The following ESR1 variants were observed in gnomAD, a reference collection of about 807,000 sequenced individuals.
ESR1 encodes the protein estrogen receptor 1.
In ESR1, 12 loss-of-function variants were observed where a neutral mutation model predicts 52.7. The observed-to-expected ratio is 0.23, with a 90% confidence interval of 0.15 to 0.37. The LOEUF is 0.37. ESR1 is among the 10% of genes least tolerant of loss of function. The pLI is 1.00. For missense variants in ESR1, 584 were observed against 779.7 expected, an observed-to-expected ratio of 0.75 and a Z score of 2.99; for synonymous variants, 305 against 316.8, an observed-to-expected ratio of 0.96 and a Z score of 0.39.
At chr6:151,695,237 T>C (rs1483286267) in intron 1 of ESR1, among the ~76,000 whole-genome samples, 21 of 152,202 alleles carry the variant, frequency 1.4e-4, no homozygotes, top group Admixed American at 1.3e-3. Context: ...CATTTGGATT[T>C]AGTCTCCTAT....
chr6:152,126,961 CAG>C (rs1304098726), exon 7 of ESR1: 5 of 152,204 alleles, frequency 3.3e-5, no homozygotes, highest in African/African-American at 1.2e-4. Context: ...CAGTATGTAA[CAG>C]ATTTATTTTG....
chr6:151,659,082 C>T (rs926756727), intron 1 of ESR1, among the ~76,000 whole-genome samples: 5 of 151,492 alleles, frequency 3.3e-5, no homozygotes, highest in African/African-American at 9.7e-5. Context: ...AGTGTGATCT[C>T]GGCTCACCGC....
intron 1 of ESR1, among the ~76,000 whole-genome samples, chr6:151,694,618 C>T (rs1004907271): frequency 1.8e-4 from 28 of 152,076 alleles, no homozygotes; most frequent in Non-Finnish European, 7.4e-5. Flanking sequence ...TGAAACCCGT[C>T]TCCACTAAAA....
chr6:151,720,581 A>G (rs767624952), intron 2 of ESR1, among the ~76,000 whole-genome samples: 2 of 152,222 alleles, frequency 1.3e-5, no homozygotes, highest in Admixed American at 1.3e-4. Context: ...AAAAACCTTT[A>G]TTAACTTATT....
At chr6:151,852,485 A>G (rs549789464) in intron 2 of ESR1, among the ~76,000 whole-genome samples, 2 of 152,320 alleles carry the variant, frequency 1.3e-5, no homozygotes, top group South Asian at 4.1e-4. Flanking sequence ...AAACAGGAAA[A>G]TGATAAATTA....
chr6:151,915,847 TTCTC>T (rs10549103), intron 3 of ESR1, among the ~76,000 whole-genome samples: 24,731 of 148,986 alleles, frequency 0.17, 2,504 homozygotes, highest in African/African-American at 0.28. Context: ...CTTTCTCTCT[TTCTC>T]TCTCTCTCTC....
chr6:151,862,367 G>T (rs943130372), intron 2 of ESR1, among the ~76,000 whole-genome samples: 2 of 152,168 alleles, frequency 1.3e-5, no homozygotes, highest in Non-Finnish European at 2.9e-5. Flanking sequence ...ATCCCACTAG[G>T]TTAACAGGCA....
intron 3 of ESR1, among the ~76,000 whole-genome samples, chr6:151,896,796 A>C (rs1054913509): frequency 2.0e-5 from 3 of 151,588 alleles, no homozygotes; most frequent in African/African-American, 7.3e-5. Context: ...GTGCTCTTTC[A>C]GAGTTTTTGA....
intron 6 of ESR1, among the ~76,000 whole-genome samples, chr6:152,108,343 C>T (rs1303376778): frequency 1.3e-5 from 2 of 152,186 alleles, no homozygotes; most frequent in African/African-American, 4.8e-5. Context: ...GGGAGCAGCC[C>T]CAGGCAAGAA....
chr6:151,769,338 C>A (rs902694963), intron 2 of ESR1, among the ~76,000 whole-genome samples: 2 of 152,158 alleles, frequency 1.3e-5, no homozygotes, highest in African/African-American at 4.8e-5. Context: ...TAAGGAGGAA[C>A]TATTATAGTC....
At chr6:151,658,435 C>T (rs1329720004) in intron 1 of ESR1, among the ~76,000 whole-genome samples, 1 of 152,184 alleles carries the variant, frequency 6.6e-6, no homozygotes, top group Non-Finnish European at 1.5e-5. Context: ...TTGTTAAAAT[C>T]ATTCTCATTA....
chr6:151,850,120 A>ATATTATTT (rs1786358100), intron 2 of ESR1, among the ~76,000 whole-genome samples: 1 of 142,942 alleles, frequency 7.0e-6, no homozygotes, highest in African/African-American at 2.6e-5. Flanking sequence ...AAAATTATAT[A>ATATTATTT]TATATGTCTG....
At chr6:151,733,125 T>C (rs1782381406) in intron 2 of ESR1, among the ~76,000 whole-genome samples, 1 of 152,236 alleles carries the variant, frequency 6.6e-6, no homozygotes, top group Non-Finnish European at 1.5e-5. Flanking sequence ...TTGATTCCTT[T>C]AATCTTTGCA....
upstream of ESR1, among the ~76,000 whole-genome samples, chr6:151,686,064 ATTTTT>A (rs557270210): frequency 1.7e-3 from 190 of 114,336 alleles, 1 homozygote; most frequent in African/African-American, 7.2e-3. Context: ...AATTAAAACA[ATTTTT>A]TTTTTTTTTT....
intron 6 of ESR1, among the ~76,000 whole-genome samples, chr6:152,073,633 G>A (rs929621588): frequency 6.6e-5 from 10 of 152,134 alleles, no homozygotes; most frequent in Admixed American, 1.3e-4. Flanking sequence ...AATATCTCTG[G>A]AGGCGAGTCT....
At chr6:151,664,091 G>T (rs1777735477) in intron 1 of ESR1, among the ~76,000 whole-genome samples, 1 of 152,096 alleles carries the variant, frequency 6.6e-6, no homozygotes, top group African/African-American at 2.4e-5. Flanking sequence ...TCACATTCTT[G>T]CTAGATGAGT....
chr6:151,909,604 A>T (rs766263204), intron 3 of ESR1, among the ~76,000 whole-genome samples: 3 of 152,156 alleles, frequency 2.0e-5, no homozygotes, highest in Non-Finnish European at 4.4e-5. Flanking sequence ...AGAGCTCTGG[A>T]GGTGGAGTCT....
chr6:151,912,649 C>T (rs891175281), intron 3 of ESR1, among the ~76,000 whole-genome samples: 19 of 152,088 alleles, frequency 1.2e-4, no homozygotes, highest in Non-Finnish European at 2.9e-5. Context: ...TAGGGCACCA[C>T]GGAAGAGTCT....
chr6:151,845,499 G>A (rs1784963528), intron 2 of ESR1, among the ~76,000 whole-genome samples: 2 of 152,142 alleles, frequency 1.3e-5, no homozygotes, highest in African/African-American at 4.8e-5. Context: ...AACCTGGGAG[G>A]CAGAGGTTGC....
Sources: allele counts gnomAD v4.1 joint callset (sites outside exome capture counted in the v4.1 genomes callset), GRCh38; gene constraint gnomAD v4.1.1; transcripts MANE v1.5; gene names NCBI Gene and HGNC (gene_info 2026-07-23, HGNC 2026-07-21).